The following ABCA5 variants were observed in gnomAD, a reference collection of about 807,000 sequenced individuals.
ABCA5 encodes ATP binding cassette subfamily A member 5, also known as cholesterol transporter ABCA5.
A neutral mutation model predicts 206.0 loss-of-function variants in ABCA5; 163 were observed. That is an observed-to-expected ratio of 0.79 (90% CI 0.70 to 0.90). The LOEUF is 0.90. ABCA5 is among the 40% of genes least tolerant of loss of function. The pLI is 0.00. For synonymous variants in ABCA5, 609 were observed against 613.8 expected (o/e 0.99, Z 0.11); for missense variants, 1,859 against 1,912.9 (o/e 0.97, Z 0.53).
intron 1 of ABCA5, chr17:69,318,814 C>T: frequency 2.8e-6 from 2 of 703,918 alleles, no homozygotes; most frequent in Non-Finnish European, 5.3e-6. Context: ...GCAGACATGT[C>T]CAAGGAATAT....
rs2074944111 is a variant in ABCA5 at position 69,245,821 on chromosome 17, G to A, written c.*1716C>T. The stretch of plus-strand genomic sequence containing the variant: ...TTACCAAATCTACGTGCAAAAGCAG[G>A]TAATTTTCTTCATTAGTCATGCTCT... On this transcript the variant is annotated 3_prime_UTR_variant, in exon 39 of 39. Transcript: ENST00000392676. The A allele has an allele frequency of 6.6e-6, 1 of 151,876 alleles. No individual in the cohort carries two copies. Among genetic ancestry groups the A allele is most frequent in the African/African-American group, 2.4e-5 (1 of 41,416 alleles). The allele number at this position is 151,876 out of a possible 1,614,324, so 9.4% of individuals were successfully genotyped here.
intron 23 of ABCA5, among the ~76,000 whole-genome samples, chr17:69,265,800 A>T (rs2075201127): frequency 6.6e-6 from 1 of 152,222 alleles, no homozygotes; most frequent in African/African-American, 2.4e-5. Flanking sequence ...ATTATTTTGG[A>T]TAATTCAAAC....
At chr17:69,292,568 T>C (rs754242069) in intron 11 of ABCA5, among the ~76,000 whole-genome samples, 5 of 152,220 alleles carry the variant, frequency 3.3e-5, no homozygotes, top group Non-Finnish European at 7.4e-5. Context: ...CTGCATCCTT[T>C]CCAATCTGGA....
Position 69,256,209 on chromosome 17 carries a change from T to G in ABCA5, c.3806A>C (p.Lys1269Thr). The G allele has an allele frequency of 6.2e-7, 1 of 1,610,738 alleles. No homozygotes were observed. The highest frequency in any genetic ancestry group is 1.1e-5 in the South Asian group (1 of 90,500). Reference protein sequence around the residue: ...PDNEDEDEDVKAERLKVKELM... With the variant: ...PDNEDEDEDVTAERLKVKELM... ...CTCTTTGACCTTTAGTCTTTCAGCT[T>G]TGACATCTTCATCTTCATCCTCATT... is the stretch of plus-strand genomic sequence containing the variant. The change falls in exon 29 of 39, where the codon AAA becomes ACA. Residue 1269 changes from lysine (K) to threonine (T), a missense_variant. Coordinates refer to ENST00000392676, the MANE Select transcript of ABCA5 (RefSeq NM_172232.4).
Position 69,273,952 on chromosome 17 carries a change from C to T in ABCA5, c.2764+7G>A, listed in dbSNP as rs919955067. The T allele has an allele frequency of 8.1e-6, 13 of 1,599,534 alleles. No individual in the cohort carries two copies. Among genetic ancestry groups the T allele is most frequent in the Non-Finnish European group, 1.1e-5 (13 of 1,175,442 alleles). ...ACACTCGTTCACAGACCTTCACACA[C>T]TCTCACCAGCAGAATTTTGAAGAAG... On this transcript the variant is annotated splice_region_variant and intron_variant, in intron 20 of 38. Transcript: ENST00000392676.
chr17:69,290,198 C>T lies in ABCA5; in HGVS notation c.1607-161G>A, dbSNP rs546137893. On this transcript the variant is annotated intron_variant, in intron 12 of 38. Coordinates refer to ENST00000392676, the MANE Select transcript of ABCA5 (RefSeq NM_172232.4). ...ACACCCTTCAATATTATTGGTGATC[C>T]GCATCCACTTATATTTCAATCTCAT... is the stretch of plus-strand genomic sequence containing the variant. Among the ~76,000 whole-genome samples the T allele has an allele frequency of 7.2e-5, 11 of 151,952 alleles. No homozygotes were observed. The East Asian group carries it at 1.4e-3, about 19-fold the overall frequency.
intron 34 of ABCA5, among the ~76,000 whole-genome samples, chr17:69,252,618 C>T (rs905992918): frequency 1.3e-5 from 2 of 151,896 alleles, no homozygotes; most frequent in African/African-American, 4.8e-5. Context: ...GGCGGATCAC[C>T]TGAGGTCTGG....
intron 1 of ABCA5, among the ~76,000 whole-genome samples, chr17:69,324,049 T>C (rs1475818879): frequency 4.6e-5 from 7 of 152,240 alleles, no homozygotes; most frequent in African/African-American, 1.4e-4. Flanking sequence ...GAGACCATAC[T>C]GTCTGCAAAC....
chr17:69,287,697 C>T lies in ABCA5; in HGVS notation c.1957G>A (p.Val653Ile), dbSNP rs754025495. The change falls in exon 15 of 39, where the codon GTA (valine) becomes ATA (isoleucine). Residue 653 changes from valine to isoleucine, a missense_variant. Physicochemically the swap from Val to Ile is conservative, Grantham distance 29 (BLOSUM62 3). Coordinates refer to ENST00000392676, the MANE Select transcript of ABCA5 (RefSeq NM_172232.4). ...TTTCTGTATTTTAAAAGATTCCATA[C>T]AATATGTCGAGAACAGGGGTCCATT... ...AGMDPCSRHI[V>I]WNLLKYRKAN... 4 of 1,613,800 alleles carry T rather than the reference C, an allele frequency of 2.5e-6. No individual in the cohort carries two copies. The highest frequency in any genetic ancestry group is 1.3e-5 in the African/African-American group (1 of 74,912).
At chr17:69,322,032 T>C (rs939206955) in intron 1 of ABCA5, among the ~76,000 whole-genome samples, 1 of 152,164 alleles carries the variant, frequency 6.6e-6, no homozygotes, top group Non-Finnish European at 1.5e-5. Context: ...AGTTGCATAA[T>C]CCAAAGTTCA....
At chr17:69,310,609 GAAGAT>G (rs538851840) in intron 3 of ABCA5, among the ~76,000 whole-genome samples, 102 of 152,130 alleles carry the variant, frequency 6.7e-4, no homozygotes, top group Middle Eastern at 3.4e-3. Flanking sequence ...TCCTTTCTTA[GAAGAT>G]AAGTGGAAAA....
At chr17:69,321,694 AAC>A (rs1343140302) in intron 1 of ABCA5, among the ~76,000 whole-genome samples, 1 of 152,170 alleles carries the variant, frequency 6.6e-6, no homozygotes, top group East Asian at 1.9e-4. Context: ...AATACTTTAA[AAC>A]ACTCTTTAAC....
chr17:69,312,264 A>G (rs2075777725), intron 3 of ABCA5, among the ~76,000 whole-genome samples: 1 of 152,162 alleles, frequency 6.6e-6, no homozygotes, highest in Non-Finnish European at 1.5e-5. Flanking sequence ...ACTGTTTTCT[A>G]GTTCATTTCT....
At chr17:69,301,664 A>G (rs1567776642) in intron 8 of ABCA5, among the ~76,000 whole-genome samples, 1 of 152,188 alleles carries the variant, frequency 6.6e-6, no homozygotes, top group Non-Finnish European at 1.5e-5. Flanking sequence ...CAAATTAAGT[A>G]TTAGGGAATA....
intron 34 of ABCA5, 82 bp from the exon 35 acceptor site, chr17:69,251,948 G>A: frequency 6.7e-7 from 1 of 1,481,672 alleles, no homozygotes. Flanking sequence ...CCAACCGGTT[G>A]GTTAATTAAG....
intron 11 of ABCA5, among the ~76,000 whole-genome samples, chr17:69,293,533 A>G (rs2075550535): frequency 6.6e-6 from 1 of 152,116 alleles, no homozygotes; most frequent in African/African-American, 2.4e-5. Context: ...AACTTTTATA[A>G]TCATCTGAGT....
At chr17:69,273,599 G>A (rs2075297862) in intron 20 of ABCA5, among the ~76,000 whole-genome samples, 1 of 151,868 alleles carries the variant, frequency 6.6e-6, no homozygotes, top group Non-Finnish European at 1.5e-5. Flanking sequence ...GAGACTACAG[G>A]CGCGTGCCAC....
chr17:69,302,026 A>G (rs577937398), intron 8 of ABCA5, among the ~76,000 whole-genome samples: 5 of 152,274 alleles, frequency 3.3e-5, no homozygotes, highest in African/African-American at 1.2e-4. Context: ...GGTCTCAAAA[A>G]AGTAAAATGA....
chr17:69,322,317 C>G (rs1170814212), intron 1 of ABCA5, among the ~76,000 whole-genome samples: 1 of 128,010 alleles, frequency 7.8e-6, no homozygotes, highest in Non-Finnish European at 1.6e-5. Flanking sequence ...TTGCAGTCAG[C>G]TGACACTGTG....
Sources: gnomAD v4.1 joint callset for allele counts (sites outside exome capture counted in the v4.1 genomes callset) on GRCh38, gnomAD v4.1.1 for gene constraint, MANE v1.5 for transcripts, NCBI Gene and HGNC (gene_info 2026-07-23, HGNC 2026-07-21) for gene names.